The following KLF7 variants were observed in gnomAD, a reference collection of about 807,000 sequenced individuals.
KLF7 encodes Krueppel-like factor 7.
Under a neutral mutation model 27.3 loss-of-function variants are expected in KLF7, and 2 were observed. That is an observed-to-expected ratio of 0.07 (90% CI 0.03 to 0.23). The LOEUF (loss-of-function observed/expected upper bound fraction) is 0.23. KLF7 is among the 10% of genes least tolerant of loss of function. The pLI, the probability that KLF7 is intolerant of heterozygous loss-of-function variation, is 1.00. For synonymous variants in KLF7, 165 were observed against 162.4 expected (o/e 1.02, Z -0.12); for missense variants, 221 against 394.1 (o/e 0.56, Z 3.72).
intron 1 of KLF7, among the ~76,000 whole-genome samples, chr2:207,127,066 C>T (rs2077498697): frequency 6.6e-6 from 1 of 152,148 alleles, no homozygotes. Flanking sequence ...TACATTTACA[C>T]ACTCTTCTGG....
chr2:207,101,921 C>T (rs1054317557), intron 2 of KLF7, among the ~76,000 whole-genome samples: 2 of 152,110 alleles, frequency 1.3e-5, no homozygotes, highest in Non-Finnish European at 2.9e-5. Flanking sequence ...CTTAGTATTC[C>T]CAAGACTTAG....
At chr2:207,093,219 T>C (rs1307263976) in intron 2 of KLF7, among the ~76,000 whole-genome samples, 1 of 152,170 alleles carries the variant, frequency 6.6e-6, no homozygotes, top group African/African-American at 2.4e-5. Context: ...GCCAAAGACA[T>C]TCACCCAAAA....
At chr2:207,095,181 G>A (rs796479197) in intron 2 of KLF7, among the ~76,000 whole-genome samples, 15 of 151,828 alleles carry the variant, frequency 9.9e-5, no homozygotes, top group African/African-American at 3.4e-4. Flanking sequence ...CCGAGTAGCT[G>A]GGACTACAGG....
chr2:207,140,253 TTTGA>T (rs982459121), intron 1 of KLF7, among the ~76,000 whole-genome samples: 2 of 152,234 alleles, frequency 1.3e-5, no homozygotes, highest in African/African-American at 2.4e-5. Flanking sequence ...ATTTTGGTTA[TTTGA>T]TTAATACCAA....
At chr2:207,156,203 T>C (rs2078378442) in intron 1 of KLF7, among the ~76,000 whole-genome samples, 1 of 152,138 alleles carries the variant, frequency 6.6e-6, no homozygotes, top group African/African-American at 2.4e-5. Context: ...AACATCACAG[T>C]TTGAAAAAGA....
intron 1 of KLF7, among the ~76,000 whole-genome samples, chr2:207,124,777 A>G (rs986600856): frequency 6.6e-6 from 1 of 152,210 alleles, no homozygotes; most frequent in Non-Finnish European, 1.5e-5. Flanking sequence ...ATAGAAACAG[A>G]TAAGGTTTTC....
chr2:207,132,296 A>G (rs1003933296), intron 1 of KLF7, among the ~76,000 whole-genome samples: 5 of 152,232 alleles, frequency 3.3e-5, no homozygotes, highest in East Asian at 1.9e-4. Context: ...TTAAGACTGC[A>G]TTGCTTTCCA....
chr2:207,118,695 T>A (rs1180111357), intron 2 of KLF7, among the ~76,000 whole-genome samples: 2 of 152,202 alleles, frequency 1.3e-5, no homozygotes, highest in Non-Finnish European at 2.9e-5. Flanking sequence ...ATGGTACCTA[T>A]GTCATTGGGT....
At chr2:207,138,948 C>A (rs2077863834) in intron 1 of KLF7, among the ~76,000 whole-genome samples, 1 of 152,182 alleles carries the variant, frequency 6.6e-6, no homozygotes, top group African/African-American at 2.4e-5. Context: ...TGAGTTCTTC[C>A]TTGCGTGTGC....
chr2:207,075,813 T>C lies in KLF7; in HGVS notation c.*5400A>G, dbSNP rs966243757. On this transcript the variant is annotated 3_prime_UTR_variant, in exon 4 of 4. Coordinates refer to ENST00000309446, the MANE Select transcript of KLF7 (RefSeq NM_003709.4). The stretch of plus-strand genomic sequence containing the variant: ...CCTGGAATGAAGCAGAAGTGAAAGA[T>C]AAGGAAATTAAACTAAGTCTGGGTT... 2 of 151,994 alleles carry C rather than the reference T, an allele frequency of 1.3e-5. No homozygotes were observed. The highest frequency in any genetic ancestry group is 1.3e-4 in the Admixed American group (2 of 15,258). The allele number at this position is 151,994 out of a possible 1,614,324, so 9.4% of individuals were successfully genotyped here.
intron 1 of KLF7, among the ~76,000 whole-genome samples, chr2:207,156,249 C>A (rs146749193): frequency 2.6e-5 from 4 of 152,202 alleles, no homozygotes; most frequent in African/African-American, 9.7e-5. Context: ...GATCACCACA[C>A]GCCCACAGTC....
intron 1 of KLF7, among the ~76,000 whole-genome samples, chr2:207,144,159 C>CAG (rs1268563633): frequency 6.5e-5 from 6 of 92,886 alleles, no homozygotes; most frequent in Non-Finnish European, 1.1e-4. Context: ...GTCGTCACAG[C>CAG]GGGGGGGAGA....
At chr2:207,166,280 G>T, upstream of KLF7, 1 of 659,016 alleles carries the variant, frequency 1.5e-6, no homozygotes, top group Non-Finnish European at 1.9e-6. Context: ...CCTGGCGGCG[G>T]GCGCGGATTG....
chr2:207,165,060 GTA>G (rs1347403613), intron 1 of KLF7, among the ~76,000 whole-genome samples: 1 of 149,924 alleles, frequency 6.7e-6, no homozygotes, highest in Non-Finnish European at 1.5e-5. Flanking sequence ...CTGATTTCAG[GTA>G]TCAAGTGGGT....
At chr2:207,149,253 G>A (rs1238695756) in intron 1 of KLF7, 6 of 828,380 alleles carry the variant, frequency 7.2e-6, no homozygotes, top group Non-Finnish European at 1.0e-5. Context: ...ACTCAGCGCT[G>A]TCACTCTCTC....
At chr2:207,135,101 T>A (rs1412755142) in intron 1 of KLF7, among the ~76,000 whole-genome samples, 3 of 152,318 alleles carry the variant, frequency 2.0e-5, no homozygotes, top group Admixed American at 6.5e-5. Context: ...AGCAGGGGAC[T>A]CTGAGTTGGG....
In KLF7 at chr2:207,129,124, G is replaced by A. The variant is rs188704958; in HGVS notation, c.103-4720C>T. On this transcript the variant is annotated intron_variant, in intron 1 of 3. Coordinates refer to ENST00000309446, the MANE Select transcript of KLF7 (RefSeq NM_003709.4). Reference sequence around the variant, plus strand: ...CTAAACTAACTTCAAAAAACAGGGAGAGACGAAGACCATCAGCAGGCTAAA... The same window carrying A: ...CTAAACTAACTTCAAAAAACAGGGAAAGACGAAGACCATCAGCAGGCTAAA... Among the ~76,000 whole-genome samples the A allele has an allele frequency of 1.8e-4, 28 of 152,316 alleles. No homozygotes were observed. The East Asian group carries it at 5.2e-3, about 28-fold the overall frequency.
In KLF7 at chr2:207,165,796, A is replaced by G; in HGVS notation, c.-228T>C. The G allele has an allele frequency of 3.5e-6, 5 of 1,420,366 alleles. No individual in the cohort carries two copies. Among genetic ancestry groups the G allele is most frequent in the South Asian group, 1.5e-5 (1 of 65,358 alleles). 88.0% of individuals were successfully genotyped at this position (1,420,366 alleles called of 1,614,324 possible). ...GTGGGGTGGATGGAGAGAGGCATCC[A>G]GCGTGTACAGTGCAGACGACTGCCA... On this transcript the variant is annotated 5_prime_UTR_variant, in exon 1 of 4. Transcript: ENST00000309446.
At chr2:207,107,064 C>T (rs1363782646) in intron 2 of KLF7, among the ~76,000 whole-genome samples, 1 of 152,114 alleles carries the variant, frequency 6.6e-6, no homozygotes, top group East Asian at 1.9e-4. Flanking sequence ...TGGCTGTTAT[C>T]ATTCAGGCTT....
Sources: allele counts gnomAD v4.1 joint callset (sites outside exome capture counted in the v4.1 genomes callset), GRCh38; gene constraint gnomAD v4.1.1; transcripts MANE v1.5; gene names NCBI Gene and HGNC (gene_info 2026-07-23, HGNC 2026-07-21).